Variants in POTEF observed in about 807,000 individuals in gnomAD.
POTEF encodes POTE ankyrin domain family member F, also known as ANKRD26-like family C member 1B.
POTEF carries 20 observed loss-of-function variants against 83.2 expected under a neutral mutation model. That is an observed-to-expected ratio of 0.24 (90% confidence interval 0.17 to 0.35). The LOEUF (loss-of-function observed/expected upper bound fraction) is 0.35, where lower values mean the gene tolerates loss of function less well. Ranked by LOEUF, POTEF falls within the 10% of genes least tolerant of loss-of-function variation. POTEF has a pLI of 1.00. For missense variants in POTEF, 550 were observed against 1,203.2 expected, an observed-to-expected ratio of 0.46 and a Z score of 8.03; for synonymous variants, 196 against 446.4, an observed-to-expected ratio of 0.44 and a Z score of 7.07.
At chr2:130,115,589 A>ACT (rs1391082453) in intron 3 of POTEF, among the ~76,000 whole-genome samples, 2 of 152,136 alleles carry the variant, frequency 1.3e-5, no homozygotes, top group African/African-American at 4.8e-5. Context: ...AAGCTCTGTC[A>ACT]CTTCCTGGCT....
At chr2:130,121,987 T>A (rs1294908250) in intron 2 of POTEF, among the ~76,000 whole-genome samples, 1 of 151,764 alleles carries the variant, frequency 6.6e-6, no homozygotes, top group Non-Finnish European at 1.5e-5. Context: ...CTCCCAGCCC[T>A]AGGCAATCAT....
At chr2:130,117,045 A>G (rs1327735702) in intron 3 of POTEF, among the ~76,000 whole-genome samples, 1 of 150,294 alleles carries the variant, frequency 6.7e-6, no homozygotes, top group Non-Finnish European at 1.5e-5. Context: ...GGATGAACAC[A>G]GCTTGGGAGT....
At chr2:130,119,096 T>G (rs1182391199) in intron 3 of POTEF, among the ~76,000 whole-genome samples, 1 of 151,898 alleles carries the variant, frequency 6.6e-6, no homozygotes, top group Non-Finnish European at 1.5e-5. Flanking sequence ...CATGTGTAAT[T>G]TAAAAACGCT....
intron 2 of POTEF, among the ~76,000 whole-genome samples, chr2:130,121,369 A>C (rs1685000460): frequency 6.9e-6 from 1 of 144,898 alleles, no homozygotes; most frequent in Non-Finnish European, 1.5e-5. Context: ...GGATGCTGAC[A>C]GCCTCCTTTG....
At chr2:130,116,361 T>C (rs1684844233) in intron 3 of POTEF, among the ~76,000 whole-genome samples, 1 of 149,614 alleles carries the variant, frequency 6.7e-6, no homozygotes, top group East Asian at 2.0e-4. Flanking sequence ...ACTGTTACAT[T>C]CAGGGGTACA....
chr2:130,117,812 T>A (rs1040880226), intron 3 of POTEF, among the ~76,000 whole-genome samples: 5 of 152,134 alleles, frequency 3.3e-5, no homozygotes, highest in African/African-American at 1.2e-4. Context: ...ATTTTAAAAA[T>A]GTGGTTCTTA....
intron 3 of POTEF, among the ~76,000 whole-genome samples, chr2:130,115,740 C>G (rs1684829532): frequency 6.6e-6 from 1 of 152,194 alleles, no homozygotes; most frequent in Non-Finnish European, 1.5e-5. Context: ...CAAATAACAG[C>G]TCAATAATTG....
At position 130,075,609 on chromosome 2, in the gene POTEF, T is replaced by C. The variant is rs765705625; in HGVS notation, c.1900-37A>G. ...AAGAGAACTTTTAGTTAGCACTCAA[T>C]AGATTGACATATCATGATTTCTTCT... On this transcript the variant is annotated intron_variant, in intron 16 of 16. Transcript: ENST00000409914. 8.2e-6 allele frequency: 13 copies of C among 1,581,426 alleles called. No individual in the cohort carries two copies. In the East Asian group the frequency reaches 2.0e-4, roughly 25 times the overall value.
intron 11 of POTEF, among the ~76,000 whole-genome samples, chr2:130,094,993 A>C: frequency 6.6e-6 from 1 of 151,724 alleles, no homozygotes; most frequent in Non-Finnish European, 1.5e-5. Flanking sequence ...GACAATTACC[A>C]GGCAAAACTG....
chr2:130,129,062 G>A lies in POTEF; in HGVS notation c.-250+10C>T, dbSNP rs1365725572. On this transcript the variant is annotated intron_variant, in intron 1 of 16. Coordinates refer to ENST00000409914, the MANE Select transcript of POTEF (RefSeq NM_001099771.2). ...CCCACAGGCGGGCAGTACATCCCCG[G>A]ATAACTCACCTACACCAGGACATTT... 2 of 110,348 alleles carry A rather than the reference G, an allele frequency of 1.8e-5. No homozygotes were observed. The highest frequency in any genetic ancestry group is 7.7e-5 in the African/African-American group (2 of 26,102). 6.8% of individuals were successfully genotyped at this position (110,348 alleles called of 1,614,324 possible). A position where few individuals can be genotyped will look rare whatever the true frequency, so the allele number is the denominator to read the frequency against.
At position 130,112,088 on chromosome 2, in the gene POTEF, G is replaced by A. The variant is rs1684729853; in HGVS notation, c.824C>T (p.Pro275Leu). 1 of 1,490,320 alleles carries A rather than the reference G, an allele frequency of 6.7e-7. No individual in the cohort carries two copies. The highest frequency in any genetic ancestry group is 8.9e-7 in the Non-Finnish European group (1 of 1,123,010). 92.3% of individuals were successfully genotyped at this position (1,490,320 alleles called of 1,614,324 possible). The change falls in exon 6 of 17, where the codon CCA becomes CTA. Residue 275 changes from proline to leucine, a missense_variant. Coordinates refer to ENST00000409914, the MANE Select transcript of POTEF (RefSeq NM_001099771.2). ...IESKNKHGLT[P>L]LLLGVHEQKQ... The stretch of plus-strand genomic sequence containing the variant: ...TTGCTCATGTACACCAAGTAACAGT[G>A]GTGTGAGGCCATGCTGTAAAACAAT...
Position 130,075,299 on chromosome 2 carries a change from C to T in POTEF, c.2173G>A (p.Asp725Asn), listed in dbSNP as rs1009657282. The change falls in exon 17 of 17, where the codon GAT becomes AAT. Residue 725 changes from aspartate (D) to asparagine (N), a missense_variant. Physicochemically the swap from Asp to Asn is conservative, Grantham distance 23 (BLOSUM62 1). Transcript: ENST00000409914. ...GMCKAGFAGD[D>N]APRAVFPSIV... ...GAAGGGAAGACAGCCCGGGGGGCAT[C>T]GTCGCCCGCAAAGCCGGCCTTGCAC... The T allele has an allele frequency of 4.3e-6, 7 of 1,612,688 alleles. No homozygotes were observed. The highest frequency in any genetic ancestry group is 4.5e-5 in the East Asian group (2 of 44,848).
chr2:130,125,896 G>GAC (rs1161287634), intron 2 of POTEF, among the ~76,000 whole-genome samples: 1 of 148,712 alleles, frequency 6.7e-6, no homozygotes, highest in African/African-American at 2.5e-5. Context: ...ACAAGAGCGA[G>GAC]ACTTCATCTC....
At chr2:130,116,062 G>A (rs1037921258) in intron 3 of POTEF, among the ~76,000 whole-genome samples, 2 of 152,072 alleles carry the variant, frequency 1.3e-5, no homozygotes, top group Non-Finnish European at 1.5e-5. Context: ...CAGATGACCA[G>A]CATTTAGATA....
chr2:130,120,986 A>G (rs1465194521), intron 2 of POTEF: 1 of 234,066 alleles, frequency 4.3e-6, no homozygotes, highest in African/African-American at 2.9e-5. Context: ...GCAAGCCATT[A>G]CAGGCCAGCC....
chr2:130,122,060 A>G (rs964007365), intron 2 of POTEF, among the ~76,000 whole-genome samples: 45 of 151,566 alleles, frequency 3.0e-4, no homozygotes, highest in African/African-American at 1.0e-3. Context: ...CATTTCATGT[A>G]AGTGGAATCA....
At chr2:130,125,885 G>T (rs1328920609) in intron 2 of POTEF, among the ~76,000 whole-genome samples, 1 of 149,730 alleles carries the variant, frequency 6.7e-6, no homozygotes, top group Non-Finnish European at 1.5e-5. Context: ...CAGCCTGGGG[G>T]ACAAGAGCGA....
intron 2 of POTEF, among the ~76,000 whole-genome samples, chr2:130,122,729 T>A (rs559933908): frequency 6.6e-6 from 1 of 151,264 alleles, no homozygotes; most frequent in Non-Finnish European, 1.5e-5. Context: ...ATTTTCAGTA[T>A]ACAAATCGTT....
chr2:130,073,679 TCTC>T lies in POTEF; in HGVS notation c.*562_*564del, dbSNP rs1683687179. Among the ~76,000 whole-genome samples the T allele has an allele frequency of 6.6e-6, 1 of 151,072 alleles. No homozygotes were observed. The highest frequency in any genetic ancestry group is 2.1e-4 in the South Asian group (1 of 4,764). On this transcript the variant is annotated 3_prime_UTR_variant, in exon 17 of 17. Coordinates refer to ENST00000409914, the MANE Select transcript of POTEF (RefSeq NM_001099771.2). ...TTTAAGGTGTGCACTTTTATCCAAC[TCTC>T]CTCAAGTCAGAGTACAGGTAAGCCC...
Sources: allele counts gnomAD v4.1 joint callset (sites outside exome capture counted in the v4.1 genomes callset), GRCh38; gene constraint gnomAD v4.1.1; transcripts MANE v1.5; gene names NCBI Gene and HGNC (gene_info 2026-07-23, HGNC 2026-07-21).